NKAIN3: variants seen among roughly 807,000 people sequenced by gnomAD.
NKAIN3 encodes the protein sodium/potassium-transporting ATPase subunit beta-1-interacting protein 3.
NKAIN3 carries 25 observed loss-of-function variants against 30.2 expected under a neutral mutation model. The ratio of observed to expected loss-of-function variants is 0.83; its 90% confidence interval spans 0.60 to 1.16. The LOEUF (loss-of-function observed/expected upper bound fraction) is 1.16. Among genes scored for constraint, NKAIN3 ranks in the 50% most tolerant of loss-of-function variants. The pLI is 0.00. For missense variants in NKAIN3, 225 were observed against 254.1 expected (o/e 0.89, Z 0.78); for synonymous variants, 91 against 89.6 (o/e 1.02, Z -0.09).
intron 1 of NKAIN3, among the ~76,000 whole-genome samples, chr8:62,553,573 G>A (rs2129946055): frequency 6.9e-6 from 1 of 144,924 alleles, no homozygotes; most frequent in Non-Finnish European, 1.5e-5. Context: ...ATCTCGCTCT[G>A]TCACTCAGGC....
intron 1 of NKAIN3, among the ~76,000 whole-genome samples, chr8:62,259,183 T>G (rs1207207409): frequency 6.6e-6 from 1 of 152,180 alleles, no homozygotes; most frequent in Non-Finnish European, 1.5e-5. Context: ...GAAGTTAAGA[T>G]TTATAGTATT....
Position 62,796,500 on chromosome 8 carries a change from C to T in NKAIN3, c.471+49371C>T, listed in dbSNP as rs116389918. ...TCTAGATGATTACACTGCCCAAATG[C>T]ACACATGATGCTCGACATTCATCTA... On this transcript the variant is annotated intron_variant, in intron 4 of 6. Transcript: ENST00000623646. Among the ~76,000 whole-genome samples the T allele has an allele frequency of 5.4e-3, 814 of 150,946 alleles. 3 individuals carry two copies. The highest frequency in any genetic ancestry group is 0.018 in the African/African-American group (753 of 41,124).
chr8:62,870,251 T>A (rs1481025714), intron 4 of NKAIN3, among the ~76,000 whole-genome samples: 1 of 102,046 alleles, frequency 9.8e-6, no homozygotes, highest in Non-Finnish European at 1.8e-5. Flanking sequence ...TATAGATATC[T>A]ATATATATAT....
chr8:62,870,577 A>G (rs946953416), intron 4 of NKAIN3, among the ~76,000 whole-genome samples: 1 of 139,468 alleles, frequency 7.2e-6, no homozygotes, highest in East Asian at 2.0e-4. Context: ...TATACACCAT[A>G]TATAGTACAT....
At chr8:62,852,417 T>C (rs934137599) in intron 4 of NKAIN3, among the ~76,000 whole-genome samples, 1 of 152,210 alleles carries the variant, frequency 6.6e-6, no homozygotes, top group Non-Finnish European at 1.5e-5. Flanking sequence ...CCTGGATTCA[T>C]TGATTTTTTG....
chr8:62,896,046 G>A (rs575910592), intron 4 of NKAIN3, among the ~76,000 whole-genome samples: 84 of 151,944 alleles, frequency 5.5e-4, no homozygotes, highest in African/African-American at 2.0e-3. Flanking sequence ...GTCAATTTGA[G>A]CTGCTACAAC....
chr8:62,797,605 T>C (rs1817902261), intron 4 of NKAIN3, among the ~76,000 whole-genome samples: 1 of 152,144 alleles, frequency 6.6e-6, no homozygotes, highest in South Asian at 2.1e-4. Context: ...AGACTTTCAA[T>C]AAATATTAGT....
At chr8:62,767,581 C>G (rs1361172742) in intron 4 of NKAIN3, among the ~76,000 whole-genome samples, 1 of 151,858 alleles carries the variant, frequency 6.6e-6, no homozygotes, top group Non-Finnish European at 1.5e-5. Flanking sequence ...TTTCTCTTAC[C>G]AGTATTATTT....
In NKAIN3 at chr8:62,743,697, A is replaced by G. The variant is rs376804444; in HGVS notation, c.274-3235A>G. Among the ~76,000 whole-genome samples the G allele has an allele frequency of 5.3e-5, 8 of 152,308 alleles. No homozygotes were observed. The East Asian group carries it at 1.4e-3, about 26-fold the overall frequency. ...CAGGAGTTCAAGGATGGAATGAGCTATGTTCTCACCACTGTACTCCAGCCT... is the reference window on the plus strand; with the variant it reads ...CAGGAGTTCAAGGATGGAATGAGCTGTGTTCTCACCACTGTACTCCAGCCT... On this transcript the variant is annotated intron_variant, in intron 3 of 6. Transcript: ENST00000623646.
chr8:62,583,226 A>G (rs868172607), intron 2 of NKAIN3, among the ~76,000 whole-genome samples: 3 of 152,042 alleles, frequency 2.0e-5, no homozygotes, highest in African/African-American at 7.2e-5. Context: ...CCCATGATGA[A>G]ACTGCTGTCA....
At chr8:62,668,151 G>A (rs1813189548) in intron 3 of NKAIN3, among the ~76,000 whole-genome samples, 1 of 151,276 alleles carries the variant, frequency 6.6e-6, no homozygotes, top group African/African-American at 2.4e-5. Flanking sequence ...GGCATTCTCT[G>A]CCTCCTTGGT....
intron 1 of NKAIN3, among the ~76,000 whole-genome samples, chr8:62,379,027 G>C (rs1563371985): frequency 6.6e-6 from 1 of 152,212 alleles, no homozygotes; most frequent in Non-Finnish European, 1.5e-5. Flanking sequence ...CACAGGGATG[G>C]AGCTTCTCAA....
At chr8:62,695,748 T>C (rs1814133270) in intron 3 of NKAIN3, among the ~76,000 whole-genome samples, 1 of 152,178 alleles carries the variant, frequency 6.6e-6, no homozygotes, top group African/African-American at 2.4e-5. Context: ...CTCCTCAGTT[T>C]TGAAAGCAGA....
chr8:62,350,329 C>T (rs1470375933), intron 1 of NKAIN3, among the ~76,000 whole-genome samples: 1 of 152,050 alleles, frequency 6.6e-6, no homozygotes, highest in Non-Finnish European at 1.5e-5. Flanking sequence ...CATGCATGAA[C>T]CTTGAAAACA....
At chr8:62,634,383 A>G (rs1812063064) in intron 3 of NKAIN3, among the ~76,000 whole-genome samples, 2 of 152,120 alleles carry the variant, frequency 1.3e-5, no homozygotes, top group Admixed American at 1.3e-4. Context: ...CTTTCCAGCT[A>G]TACAAACTCT....
chr8:62,506,349 C>A (rs1263124160), intron 1 of NKAIN3, among the ~76,000 whole-genome samples: 1 of 151,894 alleles, frequency 6.6e-6, no homozygotes, highest in Non-Finnish European at 1.5e-5. Context: ...AATTCTACAC[C>A]CCTCCCGTAA....
chr8:62,514,954 G>A (rs944799290), intron 1 of NKAIN3, among the ~76,000 whole-genome samples: 2 of 152,064 alleles, frequency 1.3e-5, no homozygotes, highest in Admixed American at 1.3e-4. Context: ...TGAGTGATAT[G>A]TGATTAAGTA....
chr8:62,794,800 A>T (rs1817810382), intron 4 of NKAIN3, among the ~76,000 whole-genome samples: 1 of 152,176 alleles, frequency 6.6e-6, no homozygotes, highest in African/African-American at 2.4e-5. Context: ...TAGCTTCCTG[A>T]CACACGGACT....
intron 5 of NKAIN3, among the ~76,000 whole-genome samples, chr8:62,937,193 C>T (rs1585596842): frequency 6.6e-6 from 1 of 152,040 alleles, no homozygotes; most frequent in Admixed American, 6.5e-5. Flanking sequence ...ACTTGCGGCT[C>T]CCACTCAGAT....
Sources: allele counts gnomAD v4.1 joint callset (sites outside exome capture counted in the v4.1 genomes callset), GRCh38; gene constraint gnomAD v4.1.1; transcripts MANE v1.5; gene names NCBI Gene and HGNC (gene_info 2026-07-23, HGNC 2026-07-21).